The following NRXN3 variants were observed in gnomAD, a reference collection of about 807,000 sequenced individuals.
NRXN3 encodes neurexin III.
A neutral mutation model predicts 137.6 loss-of-function variants in NRXN3; 32 were observed. The ratio of observed to expected loss-of-function variants is 0.23; its 90% confidence interval spans 0.18 to 0.31. NRXN3 has a LOEUF of 0.31. Ranked by LOEUF, NRXN3 falls within the 10% of genes least tolerant of loss-of-function variation. The pLI is 1.00. For synonymous variants in NRXN3, 798 were observed against 784.5 expected (o/e 1.02, Z -0.29); for missense variants, 1,574 against 2,062.5 (o/e 0.76, Z 4.59).
intron 1 of NRXN3, among the ~76,000 whole-genome samples, chr14:78,214,869 C>T (rs893380211): frequency 6.6e-5 from 10 of 152,100 alleles, no homozygotes; most frequent in African/African-American, 1.4e-4. Flanking sequence ...GGGGGCCTTG[C>T]GTGGTCACGG....
At chr14:78,564,079 G>T (rs2096813842) in intron 4 of NRXN3, among the ~76,000 whole-genome samples, 1 of 152,142 alleles carries the variant, frequency 6.6e-6, no homozygotes, top group Admixed American at 6.5e-5. Context: ...GGACAAATAT[G>T]CCAGAGGTGA....
intron 8 of NRXN3, among the ~76,000 whole-genome samples, chr14:78,781,265 C>G (rs2098768416): frequency 6.6e-6 from 1 of 152,060 alleles, no homozygotes; most frequent in Admixed American, 6.5e-5. Context: ...TAAAAACATG[C>G]ATGGACATGA....
At chr14:78,981,352 C>A (rs913055052) in intron 14 of NRXN3, among the ~76,000 whole-genome samples, 1 of 152,188 alleles carries the variant, frequency 6.6e-6, no homozygotes. Context: ...GCACATTCCC[C>A]ACTCTGGCTT....
intron 15 of NRXN3, among the ~76,000 whole-genome samples, chr14:79,328,038 T>C (rs949586067): frequency 2.2e-4 from 34 of 152,296 alleles, no homozygotes; most frequent in African/African-American, 7.5e-4. Context: ...GCAAACCAGG[T>C]GGTACAGGGT....
intron 17 of NRXN3, among the ~76,000 whole-genome samples, chr14:79,670,965 T>C (rs2098604268): frequency 6.6e-6 from 1 of 152,114 alleles, no homozygotes; most frequent in East Asian, 1.9e-4. Flanking sequence ...GGTTCCAAAG[T>C]GAGGGACATG....
intron 4 of NRXN3, among the ~76,000 whole-genome samples, chr14:78,579,582 G>A (rs1007508783): frequency 1.3e-5 from 2 of 152,026 alleles, no homozygotes; most frequent in Admixed American, 1.3e-4. Flanking sequence ...CAAGCTGGAG[G>A]CACGTGGTTA....
At chr14:78,546,519 C>T (rs2096637876) in intron 4 of NRXN3, among the ~76,000 whole-genome samples, 1 of 152,154 alleles carries the variant, frequency 6.6e-6, no homozygotes, top group Non-Finnish European at 1.5e-5. Context: ...TTTTAACTTT[C>T]ACATCTTCTA....
At chr14:78,545,551 T>C (rs760701152) in intron 4 of NRXN3, among the ~76,000 whole-genome samples, 2 of 152,222 alleles carry the variant, frequency 1.3e-5, no homozygotes, top group Non-Finnish European at 2.9e-5. Context: ...TACAAGTTTT[T>C]CAGGTCATTG....
intron 15 of NRXN3, among the ~76,000 whole-genome samples, chr14:79,189,352 A>G (rs888114314): frequency 3.7e-5 from 5 of 135,648 alleles, no homozygotes; most frequent in Non-Finnish European, 7.7e-5. Flanking sequence ...ACACATGAAC[A>G]CAGGAAGGGG....
intron 16 of NRXN3, among the ~76,000 whole-genome samples, chr14:79,551,629 G>A (rs1406536801): frequency 2.6e-5 from 4 of 152,144 alleles, no homozygotes; most frequent in Admixed American, 6.5e-5. Context: ...TGAGCTGTCT[G>A]TCTTTATTCT....
At chr14:78,428,443 A>G (rs1404305484) in intron 4 of NRXN3, among the ~76,000 whole-genome samples, 1 of 151,914 alleles carries the variant, frequency 6.6e-6, no homozygotes, top group East Asian at 1.9e-4. Flanking sequence ...TCAATTTCCA[A>G]CTCTATCCCA....
intron 15 of NRXN3, among the ~76,000 whole-genome samples, chr14:79,316,521 G>A (rs1192273235): frequency 6.6e-6 from 1 of 152,198 alleles, no homozygotes; most frequent in African/African-American, 2.4e-5. Context: ...GGGACCGGAT[G>A]ATCGGTGGTA....
chr14:78,716,532 A>G (rs1012772575), intron 8 of NRXN3, among the ~76,000 whole-genome samples: 2 of 152,196 alleles, frequency 1.3e-5, no homozygotes, highest in African/African-American at 4.8e-5. Context: ...GAAAAGAAGG[A>G]CATGGAGATT....
intron 15 of NRXN3, among the ~76,000 whole-genome samples, chr14:79,176,230 C>T (rs2062327930): frequency 6.6e-6 from 1 of 152,210 alleles, no homozygotes. Flanking sequence ...AATCTATCTC[C>T]ATCCAGTTGA....
At position 79,692,226 on chromosome 14, in the gene NRXN3, T is replaced by C. The variant is rs1211918342; in HGVS notation, c.3670T>C (p.Tyr1224His). 1 of 1,610,106 alleles carries C rather than the reference T, an allele frequency of 6.2e-7. No individual in the cohort carries two copies. The highest frequency in any genetic ancestry group is 1.1e-5 in the South Asian group (1 of 90,380). ...GGTAAAACAGAAAATCCCCTTCAAA[T>C]ATAATCGGCCTGTAGAGGAGTGGCT... ...QMVKQKIPFK[Y>H]NRPVEEWLQE... Residue 1224 changes from tyrosine to histidine, a missense_variant, in exon 18 of 21, where the codon TAT becomes CAT. Transcript: ENST00000335750.
At chr14:78,936,183 C>T (rs184030282) in intron 10 of NRXN3, among the ~76,000 whole-genome samples, 1 of 152,208 alleles carries the variant, frequency 6.6e-6, no homozygotes, top group African/African-American at 2.4e-5. Flanking sequence ...TACACAAACA[C>T]ACCCACCTTT....
chr14:78,350,154 TG>T (rs2083288455), intron 4 of NRXN3, among the ~76,000 whole-genome samples: 1 of 152,064 alleles, frequency 6.6e-6, no homozygotes, highest in Non-Finnish European at 1.5e-5. Context: ...CTGAGCATGG[TG>T]GTGCGTACCT....
chr14:78,747,580 A>G (rs533463905), intron 8 of NRXN3, among the ~76,000 whole-genome samples: 7 of 152,102 alleles, frequency 4.6e-5, no homozygotes, highest in Non-Finnish European at 7.4e-5. Context: ...ATTTCTTCTT[A>G]TTTGAACTAA....
rs572023666 is a variant in NRXN3 at position 78,233,308 on chromosome 14, T to C, written c.-703-9083T>C. ...AGTTAGTGAAAAGACAGTCTGGTTC[T>C]GACTTCCAATCTAGTGGTCTTTCCC... On this transcript the variant is annotated intron_variant, in intron 1 of 20. Transcript: ENST00000335750. Among the ~76,000 whole-genome samples, 6 of 152,334 alleles carry C rather than the reference T, an allele frequency of 3.9e-5. No homozygotes were observed. The East Asian group carries it at 7.7e-4, about 20-fold the overall frequency.
Sources: gnomAD v4.1 joint callset for allele counts (sites outside exome capture counted in the v4.1 genomes callset) on GRCh38, gnomAD v4.1.1 for gene constraint, MANE v1.5 for transcripts, NCBI Gene and HGNC (gene_info 2026-07-23, HGNC 2026-07-21) for gene names.